Variants in SLIT1 observed in about 807,000 individuals in gnomAD.
The protein encoded by SLIT1 is slit homolog 1 protein.
In SLIT1, 66 loss-of-function variants were observed where a neutral mutation model predicts 186.1. The ratio of observed to expected loss-of-function variants is 0.35; its 90% CI spans 0.29 to 0.44. The LOEUF is 0.44. Among genes scored for constraint, SLIT1 ranks in the 20% least tolerant of loss-of-function variants. The pLI is 1.00. For synonymous variants in SLIT1, 761 were observed against 833.8 expected, an observed-to-expected ratio of 0.91 and a Z score of 1.50; for missense variants, 1,638 against 2,037.4, an observed-to-expected ratio of 0.80 and a Z score of 3.77.
intron 8 of SLIT1, among the ~76,000 whole-genome samples, chr10:97,061,219 C>T (rs1589378830): frequency 6.6e-6 from 1 of 152,192 alleles, no homozygotes; most frequent in South Asian, 2.1e-4. Context: ...TGCATTTAAG[C>T]CTAAGAGGAG....
At chr10:97,018,755 C>T in intron 27 of SLIT1, 72 bp from the exon 28 acceptor site, 1 of 948,368 alleles carries the variant, frequency 1.1e-6, no homozygotes, top group Non-Finnish European at 1.6e-6. Context: ...CCAGCCAGAC[C>T]CTCAGCAGCT....
chr10:97,175,753 C>A (rs1006132555), intron 1 of SLIT1, among the ~76,000 whole-genome samples: 25 of 152,112 alleles, frequency 1.6e-4, no homozygotes, highest in Admixed American at 1.6e-3. Context: ...CACTGACAGC[C>A]CCTAGGCCTC....
chr10:97,039,728 A>C (rs986995328), intron 21 of SLIT1, among the ~76,000 whole-genome samples: 8 of 152,262 alleles, frequency 5.3e-5, no homozygotes, highest in African/African-American at 1.9e-4. Context: ...CTCATTTTAA[A>C]GGCGGAGCTT....
chr10:97,155,778 G>A (rs1849942910), intron 4 of SLIT1, among the ~76,000 whole-genome samples: 1 of 152,210 alleles, frequency 6.6e-6, no homozygotes, highest in South Asian at 2.1e-4. Flanking sequence ...ATAGGAGGGG[G>A]AAAGAATTGC....
At chr10:97,183,415 C>T (rs954695435) in intron 1 of SLIT1, among the ~76,000 whole-genome samples, 1 of 152,236 alleles carries the variant, frequency 6.6e-6, no homozygotes, top group Non-Finnish European at 1.5e-5. Flanking sequence ...AGGTACCAGG[C>T]AATTCCCATA....
chr10:97,145,459 T>A (rs1301305223), intron 4 of SLIT1, among the ~76,000 whole-genome samples: 1 of 152,128 alleles, frequency 6.6e-6, no homozygotes, highest in African/African-American at 2.4e-5. Flanking sequence ...AGCACTTCCT[T>A]TCAGATGAGC....
intron 4 of SLIT1, among the ~76,000 whole-genome samples, chr10:97,116,883 G>T (rs1849514494): frequency 6.6e-6 from 1 of 152,094 alleles, no homozygotes. Flanking sequence ...AAAGACCTGG[G>T]ATTCACTCCT....
At chr10:97,055,169 A>G (rs1041445987) in intron 13 of SLIT1, among the ~76,000 whole-genome samples, 1 of 152,220 alleles carries the variant, frequency 6.6e-6, no homozygotes, top group Non-Finnish European at 1.5e-5. Context: ...GTGAGCTGAG[A>G]CTGTGCCATT....
intron 28 of SLIT1, among the ~76,000 whole-genome samples, chr10:97,016,656 T>A (rs1437905880): frequency 6.6e-6 from 1 of 152,234 alleles, no homozygotes; most frequent in Non-Finnish European, 1.5e-5. Flanking sequence ...CCCTTCCACC[T>A]TAGCCTCCCA....
At chr10:97,183,328 A>G (rs1289943838) in intron 1 of SLIT1, among the ~76,000 whole-genome samples, 2 of 152,198 alleles carry the variant, frequency 1.3e-5, no homozygotes, top group African/African-American at 2.4e-5. Flanking sequence ...TGGCTCCGAA[A>G]CATTTGCTGA....
chr10:97,136,668 G>A (rs956671565), intron 4 of SLIT1, among the ~76,000 whole-genome samples: 5 of 152,206 alleles, frequency 3.3e-5, no homozygotes, highest in Non-Finnish European at 7.3e-5. Flanking sequence ...CTCCCTGAAA[G>A]CCAGGAAATG....
chr10:97,182,193 C>A (rs1439037192), intron 1 of SLIT1, among the ~76,000 whole-genome samples: 1 of 152,228 alleles, frequency 6.6e-6, no homozygotes. Flanking sequence ...GGGGCCTACC[C>A]AACCTCTTTC....
rs1412142239 is a variant in SLIT1 at position 97,064,171 on chromosome 10, G to A, written c.626C>T (p.Thr209Ile). 6.2e-6 allele frequency: 10 copies of A among 1,612,668 alleles called. No homozygotes were observed. The highest frequency in any genetic ancestry group is 8.5e-6 in the Non-Finnish European group (10 of 1,179,450). Residue 209 changes from threonine (T) to isoleucine (I), a missense_variant, in exon 7 of 37, where the codon ACC becomes ATC. Thr to Ile is a moderately conservative substitution (Grantham distance 89). Coordinates refer to ENST00000266058, the MANE Select transcript of SLIT1 (RefSeq NM_003061.3). ...SSFNHMPKLR[T>I]FRLHSNHLFC... The stretch of plus-strand genomic sequence containing the variant: ...CCAGCTGCCCCGGCTGACTCACAAG[G>A]TCCGTAGCTTGGGCATATGGTTGAA...
intron 4 of SLIT1, among the ~76,000 whole-genome samples, chr10:97,081,357 C>G (rs376620266): frequency 6.6e-6 from 1 of 152,188 alleles, no homozygotes; most frequent in Non-Finnish European, 1.5e-5. Context: ...TCAAGACTGA[C>G]GTCTGACTTG....
At chr10:97,086,930 T>C (rs1387776520) in intron 4 of SLIT1, among the ~76,000 whole-genome samples, 2 of 152,030 alleles carry the variant, frequency 1.3e-5, no homozygotes, top group African/African-American at 4.8e-5. Context: ...TGTGTCAACA[T>C]AGATGTATTG....
At chr10:97,009,076 A>ATAGAG (rs1848389016) in intron 31 of SLIT1, among the ~76,000 whole-genome samples, 1 of 151,920 alleles carries the variant, frequency 6.6e-6, no homozygotes, top group African/African-American at 2.4e-5. Context: ...GTGGGGTTTC[A>ATAGAG]CTGTGTTAGC....
In SLIT1 at chr10:97,006,969, T is replaced by G. The variant is rs1848364731; in HGVS notation, c.3342-249A>C. Among the ~76,000 whole-genome samples the G allele has an allele frequency of 6.6e-6, 1 of 152,186 alleles. No homozygotes were observed. Among genetic ancestry groups the G allele is most frequent in the Non-Finnish European group, 1.5e-5 (1 of 68,034 alleles). On this transcript the variant is annotated intron_variant, in intron 31 of 36. Transcript: ENST00000266058. The surrounding 1 kb of genome is among the most constrained non-coding windows in gnomAD (Gnocchi z 4.0). The stretch of plus-strand genomic sequence containing the variant: ...TGATAGAAATGGCAAACCCACTGAA[T>G]CTGCTTTTTAACAAGATCCAAGGTG...
intron 4 of SLIT1, among the ~76,000 whole-genome samples, chr10:97,080,319 C>T (rs58611684): frequency 0.17 from 26,162 of 152,070 alleles, 2,402 homozygotes; most frequent in Middle Eastern, 0.22. Context: ...CTCCCTGCTA[C>T]CCCCTGCCAA....
intron 4 of SLIT1, among the ~76,000 whole-genome samples, chr10:97,079,844 G>T (rs1243042109): frequency 6.6e-6 from 1 of 152,190 alleles, no homozygotes; most frequent in Non-Finnish European, 1.5e-5. Flanking sequence ...TGGAGAACAG[G>T]CACAGCACCC....
Sources: allele counts gnomAD v4.1 joint callset (sites outside exome capture counted in the v4.1 genomes callset), GRCh38; gene constraint gnomAD v4.1.1; non-coding constraint Gnocchi (gnomAD v3.1); transcripts MANE v1.5; gene names NCBI Gene and HGNC (gene_info 2026-07-23, HGNC 2026-07-21).